The following EVI5 variants were observed in gnomAD, a reference collection of about 807,000 sequenced individuals.
The protein encoded by EVI5 is ecotropic viral integration site 5, also known as ecotropic viral integration site 5 protein homolog.
A neutral mutation model predicts 112.0 loss-of-function variants in EVI5; 73 were observed. The observed-to-expected ratio is 0.65, with a 90% CI of 0.54 to 0.79. EVI5 has a LOEUF of 0.79. EVI5 is among the 30% of genes least tolerant of loss of function. EVI5 has a pLI of 0.00. For synonymous variants in EVI5, 305 were observed against 319.9 expected (o/e 0.95, Z 0.50); for missense variants, 900 against 968.8 (o/e 0.93, Z 0.94).
At chr1:92,697,644 TG>T (rs1278529024) in intron 6 of EVI5, among the ~76,000 whole-genome samples, 2 of 152,160 alleles carry the variant, frequency 1.3e-5, no homozygotes, top group Admixed American at 6.6e-5. Context: ...GCTTAAGGAT[TG>T]AATATGAAAA....
intron 9 of EVI5, among the ~76,000 whole-genome samples, chr1:92,693,172 T>C (rs1244209789): frequency 6.6e-6 from 1 of 151,922 alleles, no homozygotes; most frequent in Non-Finnish European, 1.5e-5. Flanking sequence ...GGCAACATAG[T>C]GACACTCTGT....
At chr1:92,634,280 A>C (rs183031639) in intron 14 of EVI5, among the ~76,000 whole-genome samples, 2 of 152,160 alleles carry the variant, frequency 1.3e-5, no homozygotes, top group African/African-American at 4.8e-5. Context: ...GAGTTTTCCA[A>C]CTTGGTTCCA....
chr1:92,770,368 C>T (rs1451287543), intron 1 of EVI5, among the ~76,000 whole-genome samples: 2 of 152,196 alleles, frequency 1.3e-5, no homozygotes, highest in Admixed American at 6.5e-5. Flanking sequence ...ACTTGGAGTG[C>T]TTCCGATTTT....
chr1:92,735,630 G>GTC (rs1400982740), intron 2 of EVI5, among the ~76,000 whole-genome samples: 1 of 67,042 alleles, frequency 1.5e-5, no homozygotes, highest in Non-Finnish European at 2.8e-5. Context: ...TATGATATAT[G>GTC]ATATATGTCA....
intron 19 of EVI5, among the ~76,000 whole-genome samples, chr1:92,528,707 A>G (rs1662335849): frequency 6.6e-6 from 1 of 152,218 alleles, no homozygotes; most frequent in South Asian, 2.1e-4. Context: ...AACTCATTCT[A>G]TATGATTTCA....
At chr1:92,733,163 T>C in intron 2 of EVI5, 1 of 227,058 alleles carries the variant, frequency 4.4e-6, no homozygotes, top group South Asian at 7.8e-5. Flanking sequence ...CCTGGATTGC[T>C]AAATTGGATT....
At chr1:92,665,413 G>A (rs910001869) in intron 11 of EVI5, among the ~76,000 whole-genome samples, 1 of 152,074 alleles carries the variant, frequency 6.6e-6, no homozygotes, top group East Asian at 1.9e-4. Flanking sequence ...ATATAAAACA[G>A]AGAAAATGTA....
At position 92,677,188 on chromosome 1, in the gene EVI5, C is replaced by T. The variant is rs199503198; in HGVS notation, c.1128G>A (p.Thr376=). 27 of 1,589,304 alleles carry T rather than the reference C, an allele frequency of 1.7e-5. No individual in the cohort carries two copies. Among genetic ancestry groups the T allele is most frequent in the East Asian group, 4.5e-5 (2 of 44,280 alleles). The part of the protein sequence containing the change: ...KLEKEYTTIK[T]KEMEEQVEIK... The stretch of plus-strand genomic sequence containing the variant: ...TTTCAACTTGCTCTTCCATTTCTTT[C>T]GTTTTTATTGTAGTGTATTCCTTTT... Residue 376 remains threonine (T), a synonymous_variant, in exon 10 of 20, where the codon ACG becomes ACA. Coordinates refer to ENST00000684568, the MANE Select transcript of EVI5 (RefSeq NM_001350197.2).
At chr1:92,718,455 C>A (rs1334023928) in intron 2 of EVI5, among the ~76,000 whole-genome samples, 1 of 152,082 alleles carries the variant, frequency 6.6e-6, no homozygotes, top group Non-Finnish European at 1.5e-5. Flanking sequence ...GGGTAAATAA[C>A]AAAATGAAGG....
chr1:92,607,138 A>G (rs575322461), intron 17 of EVI5, among the ~76,000 whole-genome samples: 33 of 152,328 alleles, frequency 2.2e-4, no homozygotes, highest in African/African-American at 7.2e-4. Context: ...ACTGGTACAT[A>G]CACATTTCTT....
At chr1:92,564,974 T>G (rs1669209870) in intron 18 of EVI5, among the ~76,000 whole-genome samples, 1 of 152,212 alleles carries the variant, frequency 6.6e-6, no homozygotes, top group Non-Finnish European at 1.5e-5. Context: ...CCACCATGCC[T>G]GGCCTAGATA....
intron 18 of EVI5, among the ~76,000 whole-genome samples, chr1:92,594,346 G>A (rs1382623710): frequency 6.6e-6 from 1 of 151,692 alleles, no homozygotes; most frequent in East Asian, 1.9e-4. Context: ...ATGGTGCTGG[G>A]AAAACTGGCT....
At chr1:92,550,781 AATATATATATAT>A (rs1330757944) in intron 19 of EVI5, among the ~76,000 whole-genome samples, 321 of 20,340 alleles carry the variant, frequency 0.016, 4 homozygotes, top group Middle Eastern at 0.042. Flanking sequence ...AAAAAAAAAA[AATATATATATAT>A]ATATATATAT....
chr1:92,570,534 A>G (rs1347937892), intron 18 of EVI5, among the ~76,000 whole-genome samples: 2 of 152,216 alleles, frequency 1.3e-5, no homozygotes, highest in African/African-American at 4.8e-5. Context: ...ATCTCATAGC[A>G]ATAATATGTG....
intron 18 of EVI5, among the ~76,000 whole-genome samples, chr1:92,571,089 C>T (rs1163123622): frequency 6.6e-6 from 1 of 151,084 alleles, no homozygotes; most frequent in Non-Finnish European, 1.5e-5. Context: ...TTTAATAAAG[C>T]TTAATGTTGG....
chr1:92,750,447 A>G (rs939670503), intron 1 of EVI5, among the ~76,000 whole-genome samples: 1 of 152,242 alleles, frequency 6.6e-6, no homozygotes, highest in African/African-American at 2.4e-5. Flanking sequence ...ATCAAGAATC[A>G]AAACTAAAAC....
upstream of EVI5, among the ~76,000 whole-genome samples, chr1:92,786,887 C>A (rs899293510): frequency 6.6e-6 from 1 of 152,194 alleles, no homozygotes; most frequent in Non-Finnish European, 1.5e-5. Context: ...CTCTTTTATT[C>A]CCTATTTACC....
chr1:92,785,238 G>A (rs1370092628), upstream of EVI5: 2 of 326,466 alleles, frequency 6.1e-6, no homozygotes, highest in Non-Finnish European at 8.8e-6. Flanking sequence ...GAGTGCAGAG[G>A]AGGCGGGGAA....
At chr1:92,592,877 T>C (rs1182477454) in intron 18 of EVI5, among the ~76,000 whole-genome samples, 6 of 152,128 alleles carry the variant, frequency 3.9e-5, no homozygotes, top group East Asian at 1.9e-4. Flanking sequence ...CAGGACGAAG[T>C]TGAATCTCTG....
Sources: gnomAD v4.1 joint callset for allele counts (sites outside exome capture counted in the v4.1 genomes callset) on GRCh38, gnomAD v4.1.1 for gene constraint, MANE v1.5 for transcripts, NCBI Gene and HGNC (gene_info 2026-07-23, HGNC 2026-07-21) for gene names.